NCKAP5: variants seen among roughly 807,000 people sequenced by gnomAD.
NCKAP5 encodes the protein NCK associated protein 5, also known as nck-associated protein 5.
In NCKAP5, 92 loss-of-function variants were observed where a neutral mutation model predicts 167.0. The observed-to-expected ratio is 0.55, with a 90% CI of 0.47 to 0.66. The LOEUF is 0.66. NCKAP5 is among the 30% of genes least tolerant of loss of function. NCKAP5 has a pLI of 0.00. For missense variants in NCKAP5, 2,378 were observed against 2,315.0 expected, an observed-to-expected ratio of 1.03 and a Z score of -0.56; for synonymous variants, 891 against 877.4, an observed-to-expected ratio of 1.02 and a Z score of -0.27.
chr2:133,023,885 T>C (rs2078612117), intron 6 of NCKAP5, among the ~76,000 whole-genome samples: 1 of 152,186 alleles, frequency 6.6e-6, no homozygotes, highest in African/African-American at 2.4e-5. Flanking sequence ...GTCTTTGCTA[T>C]TGTGAATATT....
chr2:133,543,593 A>G (rs930551873), intron 2 of NCKAP5, among the ~76,000 whole-genome samples: 2 of 152,220 alleles, frequency 1.3e-5, no homozygotes, highest in African/African-American at 4.8e-5. Flanking sequence ...CATCAGCACC[A>G]AAACCTCTAG....
At chr2:132,957,159 C>A (rs896735614) in intron 8 of NCKAP5, among the ~76,000 whole-genome samples, 3 of 152,134 alleles carry the variant, frequency 2.0e-5, no homozygotes, top group Admixed American at 6.5e-5. Context: ...CTCAACTTAA[C>A]GCGGGCAAAA....
chr2:133,472,758 T>G (rs997884043), intron 3 of NCKAP5, among the ~76,000 whole-genome samples: 3 of 152,158 alleles, frequency 2.0e-5, no homozygotes, highest in African/African-American at 7.2e-5. Context: ...GCAGATATTC[T>G]CAGATAATGG....
chr2:133,127,033 C>T (rs1462611731), intron 6 of NCKAP5, among the ~76,000 whole-genome samples: 2 of 151,608 alleles, frequency 1.3e-5, no homozygotes, highest in South Asian at 2.1e-4. Flanking sequence ...TCATCATGCA[C>T]AAAATGAACT....
chr2:133,571,907 G>A (rs1221757640), upstream of NCKAP5, among the ~76,000 whole-genome samples: 4 of 151,704 alleles, frequency 2.6e-5, no homozygotes, highest in African/African-American at 9.7e-5. Flanking sequence ...GTGAGGAGGC[G>A]GAGGTTGCCG....
At chr2:133,407,194 G>C (rs1340491306) in intron 3 of NCKAP5, among the ~76,000 whole-genome samples, 1 of 152,216 alleles carries the variant, frequency 6.6e-6, no homozygotes, top group African/African-American at 2.4e-5. Context: ...TGCAAGGGAG[G>C]AGGATCTTTT....
At chr2:133,243,401 C>G (rs904486636) in intron 4 of NCKAP5, among the ~76,000 whole-genome samples, 1 of 152,176 alleles carries the variant, frequency 6.6e-6, no homozygotes, top group African/African-American at 2.4e-5. Flanking sequence ...TAGGCCCTCT[C>G]CTGAAAAATA....
intron 7 of NCKAP5, among the ~76,000 whole-genome samples, chr2:132,984,778 AAAAG>A (rs1458761180): frequency 4.6e-5 from 7 of 151,878 alleles, no homozygotes; most frequent in Non-Finnish European, 7.4e-5. Context: ...CTAAAAAAAC[AAAAG>A]ACAGTTTTTT....
At chr2:133,641,463 T>G in the NCKAP5 span, among the ~76,000 whole-genome samples, 24 of 152,360 alleles carry the variant, frequency 1.6e-4, no homozygotes, top group East Asian at 3.9e-3. Context: ...TAGCTCACTG[T>G]AGGAAGCCAG....
At chr2:132,921,643 G>T (rs977190464) in intron 8 of NCKAP5, among the ~76,000 whole-genome samples, 1 of 152,206 alleles carries the variant, frequency 6.6e-6, no homozygotes, top group African/African-American at 2.4e-5. Flanking sequence ...GCCTTTGAAG[G>T]CTGAGTGCAG....
chr2:133,544,335 T>A (rs1386908018), intron 2 of NCKAP5, among the ~76,000 whole-genome samples: 1 of 152,194 alleles, frequency 6.6e-6, no homozygotes, highest in Non-Finnish European at 1.5e-5. Flanking sequence ...TAAAAAGTAA[T>A]CATGAATATC....
At chr2:133,038,505 G>A (rs1416462702) in intron 6 of NCKAP5, among the ~76,000 whole-genome samples, 4 of 152,080 alleles carry the variant, frequency 2.6e-5, no homozygotes, top group African/African-American at 9.7e-5. Context: ...GGTGGGGATG[G>A]TTAACATGGG....
intron 19 of NCKAP5, among the ~76,000 whole-genome samples, chr2:132,703,089 G>A (rs1227630048): frequency 5.9e-5 from 9 of 152,050 alleles, no homozygotes. Context: ...ACTCAGGTGG[G>A]AGGATCGCTT....
intron 3 of NCKAP5, among the ~76,000 whole-genome samples, chr2:133,445,830 T>C (rs867093328): frequency 2.0e-5 from 3 of 152,112 alleles, no homozygotes; most frequent in Non-Finnish European, 2.9e-5. Context: ...CTTGCGATAA[T>C]GTGACACCCC....
intron 4 of NCKAP5, among the ~76,000 whole-genome samples, chr2:133,219,565 A>G (rs568143822): frequency 2.0e-5 from 3 of 152,282 alleles, no homozygotes; most frequent in African/African-American, 4.8e-5. Context: ...GTTATTTTAT[A>G]TATTAGGCTT....
chr2:133,113,202 G>GTT (rs74914476), intron 6 of NCKAP5, among the ~76,000 whole-genome samples: 181 of 143,084 alleles, frequency 1.3e-3, no homozygotes, highest in Middle Eastern at 7.3e-3. Context: ...CACAATTGGA[G>GTT]TTTTTTTTTT....
chr2:133,250,152 C>T (rs1198519077), intron 4 of NCKAP5, among the ~76,000 whole-genome samples: 1 of 151,858 alleles, frequency 6.6e-6, no homozygotes, highest in Non-Finnish European at 1.5e-5. Context: ...ACAATGGGTC[C>T]AAGCCTTTGA....
intron 3 of NCKAP5, among the ~76,000 whole-genome samples, chr2:133,371,171 C>A (rs148167741): frequency 2.0e-5 from 3 of 152,184 alleles, no homozygotes; most frequent in Non-Finnish European, 4.4e-5. Flanking sequence ...TCCCAAATAA[C>A]AGAGAATCTG....
intron 11 of NCKAP5, among the ~76,000 whole-genome samples, chr2:132,798,339 A>G (rs1388807906): frequency 6.6e-6 from 1 of 152,222 alleles, no homozygotes; most frequent in African/African-American, 2.4e-5. Flanking sequence ...TTTAAACAAA[A>G]AGATGTCTTT....
Sources: gnomAD v4.1 joint callset for allele counts (sites outside exome capture counted in the v4.1 genomes callset) on GRCh38, gnomAD v4.1.1 for gene constraint, MANE v1.5 for transcripts, NCBI Gene and HGNC (gene_info 2026-07-23, HGNC 2026-07-21) for gene names.